Variants in EFEMP1 observed in about 807,000 individuals in gnomAD.
EFEMP1 encodes the protein EGF-like fibulin extracellular matrix protein 1, also known as EGF-containing fibulin-like extracellular matrix protein 1.
In EFEMP1, 18 loss-of-function variants were observed where a neutral mutation model predicts 65.7. The ratio of observed to expected loss-of-function variants is 0.27; its 90% CI spans 0.19 to 0.41. The LOEUF (loss-of-function observed/expected upper bound fraction) is 0.41, where lower values mean the gene tolerates loss of function less well. EFEMP1 is among the 10% of genes least tolerant of loss of function. EFEMP1 has a pLI of 1.00. For synonymous variants in EFEMP1, 237 were observed against 219.7 expected, an observed-to-expected ratio of 1.08 and a Z score of -0.70; for missense variants, 469 against 624.8, an observed-to-expected ratio of 0.75 and a Z score of 2.66.
rs1668618435 is a variant in EFEMP1, at chr2:55,867,386, T to C, written c.1321-152A>G. 5.2e-6 allele frequency: 4 copies of C among 768,682 alleles called. No homozygotes were observed. The South Asian group carries it at 7.3e-5, about 14-fold the overall frequency. The allele number at this position is 768,682 out of a possible 1,614,324, so 47.6% of individuals were successfully genotyped here. On this transcript the variant is annotated intron_variant, in intron 11 of 11. Coordinates refer to ENST00000355426, the MANE Select transcript of EFEMP1 (RefSeq NM_001039348.3). The surrounding 1 kb of genome is among the most constrained non-coding windows in gnomAD (Gnocchi z 4.3). ...CTTGGTCCCTTCTTGGTTTCAACTCTTCTTGGCTCTTATCCCTTGTCTAAT... is the reference window on the plus strand; with the variant it reads ...CTTGGTCCCTTCTTGGTTTCAACTCCTCTTGGCTCTTATCCCTTGTCTAAT...
At chr2:55,906,534 A>G (rs1359669407) in intron 5 of EFEMP1, among the ~76,000 whole-genome samples, 1 of 148,396 alleles carries the variant, frequency 6.7e-6, no homozygotes, top group Non-Finnish European at 1.5e-5. Context: ...AAAACCCTTC[A>G]TCTTTACCAG....
chr2:55,909,551 G>C (rs1192331313), intron 5 of EFEMP1, among the ~76,000 whole-genome samples: 1 of 152,112 alleles, frequency 6.6e-6, no homozygotes, highest in Non-Finnish European at 1.5e-5. Flanking sequence ...GTTACAGTAT[G>C]ATTATTTCCT....
At chr2:55,891,063 C>G (rs1338114824) in intron 5 of EFEMP1, among the ~76,000 whole-genome samples, 2 of 151,944 alleles carry the variant, frequency 1.3e-5, no homozygotes, top group Non-Finnish European at 2.9e-5. Context: ...GGTGCTAACC[C>G]TAGTACTCAA....
At chr2:55,915,625 TG>T (rs1411155506) in intron 5 of EFEMP1, among the ~76,000 whole-genome samples, 1 of 152,174 alleles carries the variant, frequency 6.6e-6, no homozygotes, top group Non-Finnish European at 1.5e-5. Flanking sequence ...TTCATTTATC[TG>T]GTTTTTTTTT....
chr2:55,874,924 A>G (rs1668966615), intron 9 of EFEMP1, 22 bp downstream of exon 9: 1 of 1,581,780 alleles, frequency 6.3e-7, no homozygotes, highest in Non-Finnish European at 8.6e-7. Flanking sequence ...TACCTAACAT[A>G]TGAAAAAAAA....
chr2:55,916,039 G>A (rs72811716), intron 5 of EFEMP1, among the ~76,000 whole-genome samples: 1,982 of 151,996 alleles, frequency 0.013, 43 homozygotes, highest in African/African-American at 0.045. Flanking sequence ...AGGTCTTGAT[G>A]TGGGGTACTT....
chr2:55,923,382 G>A lies in EFEMP1; in HGVS notation c.-49+329C>T, dbSNP rs1670982212. On this transcript the variant is annotated intron_variant, in intron 1 of 11. Transcript: ENST00000355426. The surrounding 1 kb of genome is among the most constrained non-coding windows in gnomAD (Gnocchi z 5.3). ...TGCTCAGCGTCCCAGCTTCTAACCA[G>A]CTCCTATGGAATCCAGGTGCGGCTT... 6.6e-6 allele frequency among the ~76,000 whole-genome samples: 1 copy of A among 152,236 alleles called. No individual in the cohort carries two copies. The highest frequency in any genetic ancestry group is 3.4e-3 in the Middle Eastern group (1 of 294).
In EFEMP1 at chr2:55,917,762, C is replaced by T. The variant is rs1670757241; in HGVS notation, c.420G>A (p.Arg140=). ...TGCGCTGAGGGTCAGCTGGGTTCCG[C>T]CGGATGACAAAGTTATTTCGGCCAG... is the stretch of plus-strand genomic sequence containing the variant. ...MQTGRNNFVI[R]RNPADPQRIP... is the part of the protein sequence containing the mutation. The change falls in exon 5 of 12, where the codon CGG becomes CGA. Residue 140 remains arginine (R), a synonymous_variant. Coordinates refer to ENST00000355426, the MANE Select transcript of EFEMP1 (RefSeq NM_001039348.3). This position sits in a 1 kb window ranked among gnomAD's most constrained non-coding sequence, Gnocchi z 6.3. The T allele has an allele frequency of 6.2e-7, 1 of 1,614,200 alleles. No individual in the cohort carries two copies. Among genetic ancestry groups the T allele is most frequent in the African/African-American group, 1.3e-5 (1 of 75,048 alleles).
At position 55,871,127 on chromosome 2, in the gene EFEMP1, T is replaced by C; in HGVS notation, c.1001-4A>G. The C allele has an allele frequency of 2.5e-6, 4 of 1,613,464 alleles. No homozygotes were observed. Among genetic ancestry groups the C allele is most frequent in the Non-Finnish European group, 1.7e-6 (2 of 1,179,582 alleles). ...GTGGTCTCACACTCATTTATATCTG[T>C]AGAGATGTAGGGTCAAAGAGTTTAC... On this transcript the variant is annotated splice_polypyrimidine_tract_variant and splice_region_variant and intron_variant, in intron 9 of 11. Transcript: ENST00000355426. The surrounding 1 kb of genome is among the most constrained non-coding windows in gnomAD (Gnocchi z 4.2).
intron 6 of EFEMP1, among the ~76,000 whole-genome samples, chr2:55,880,116 TG>T (rs1173952951): frequency 6.6e-6 from 1 of 152,106 alleles, no homozygotes; most frequent in Non-Finnish European, 1.5e-5. Flanking sequence ...GGAATAAAGC[TG>T]GGGTGTAATA....
rs548260378 is a variant in EFEMP1 at position 55,865,980 on chromosome 2, G to A, written c.*1093C>T. 1 of 152,130 alleles carries A rather than the reference G, an allele frequency of 6.6e-6. No individual in the cohort carries two copies. Among genetic ancestry groups the A allele is most frequent in the South Asian group, 2.1e-4 (1 of 4,822 alleles). 9.4% of individuals were successfully genotyped at this position (152,130 alleles called of 1,614,324 possible). On this transcript the variant is annotated 3_prime_UTR_variant, in exon 12 of 12. Coordinates refer to ENST00000355426, the MANE Select transcript of EFEMP1 (RefSeq NM_001039348.3). The stretch of plus-strand genomic sequence containing the variant: ...CCAAAGATAGAGTGATCTTCTAAAG[G>A]AATATTTATTTTTATTTAAAAATAT...
intron 5 of EFEMP1, among the ~76,000 whole-genome samples, chr2:55,894,191 C>T (rs1669731154): frequency 6.6e-6 from 1 of 152,160 alleles, no homozygotes. Context: ...TTAGAACCTA[C>T]ATGTAATTCT....
chr2:55,875,453 C>A (rs937840274), intron 8 of EFEMP1, among the ~76,000 whole-genome samples: 2 of 151,732 alleles, frequency 1.3e-5, no homozygotes, highest in East Asian at 3.8e-4. Flanking sequence ...ATTGCAAATT[C>A]TGAAATAGAA....
intron 5 of EFEMP1, among the ~76,000 whole-genome samples, chr2:55,897,031 A>G (rs1669851623): frequency 2.6e-5 from 4 of 152,046 alleles, no homozygotes; most frequent in Admixed American, 2.6e-4. Flanking sequence ...TCCTTTCCCT[A>G]CTTCTCTAAA....
chr2:55,895,576 C>CTT (rs1215107439), intron 5 of EFEMP1, among the ~76,000 whole-genome samples: 2 of 150,062 alleles, frequency 1.3e-5, no homozygotes, highest in Non-Finnish European at 3.0e-5. Context: ...CGGAGTCTCG[C>CTT]TGTCGCCCAG....
At chr2:55,880,318 T>A (rs1190786491) in intron 6 of EFEMP1, among the ~76,000 whole-genome samples, 2 of 152,206 alleles carry the variant, frequency 1.3e-5, no homozygotes, top group Non-Finnish European at 2.9e-5. Context: ...TGACCGTATG[T>A]TCCATTATCT....
chr2:55,900,489 CTG>C (rs1384637089), intron 5 of EFEMP1, among the ~76,000 whole-genome samples: 2 of 152,178 alleles, frequency 1.3e-5, no homozygotes, highest in Non-Finnish European at 2.9e-5. Context: ...GGAAAATAAT[CTG>C]GGGGAGAGTA....
chr2:55,889,608 C>A (rs760023920), intron 5 of EFEMP1, among the ~76,000 whole-genome samples: 1 of 151,790 alleles, frequency 6.6e-6, no homozygotes, highest in African/African-American at 2.4e-5. Context: ...CTGCCTAAAA[C>A]AATAATAGTA....
intron 5 of EFEMP1, among the ~76,000 whole-genome samples, chr2:55,900,644 A>G (rs1164528153): frequency 7.3e-6 from 1 of 137,688 alleles, no homozygotes; most frequent in Non-Finnish European, 1.5e-5. Context: ...ACTTTCTAAT[A>G]GCTGAATTAG....
Sources: gnomAD v4.1 joint callset for allele counts (sites outside exome capture counted in the v4.1 genomes callset) on GRCh38, gnomAD v4.1.1 for gene constraint, Gnocchi (gnomAD v3.1) non-coding constraint, MANE v1.5 for transcripts, NCBI Gene and HGNC (gene_info 2026-07-23, HGNC 2026-07-21) for gene names.